Variants in CAMTA1 observed in about 807,000 individuals in gnomAD.
CAMTA1 encodes calmodulin binding transcription activator 1.
In CAMTA1, 27 loss-of-function variants were observed where a neutral mutation model predicts 170.9. The ratio of observed to expected loss-of-function variants is 0.16; its 90% CI spans 0.12 to 0.22. The LOEUF (loss-of-function observed/expected upper bound fraction) is 0.22. CAMTA1 is among the 10% of genes least tolerant of loss of function. The probability of loss-of-function intolerance (pLI) is 1.00; values close to 1 mark genes in which losing one functional copy is unlikely to be tolerated. For missense variants in CAMTA1, 1,619 were observed against 2,217.2 expected (o/e 0.73, Z 5.42); for synonymous variants, 833 against 891.5 (o/e 0.93, Z 1.17).
rs767756604 is a variant in CAMTA1, at chr1:7,561,833, G to A, written c.511-78567G>A. On this transcript the variant is annotated intron_variant, in intron 6 of 22. Transcript: ENST00000303635. This position sits in a 1 kb window ranked among gnomAD's most constrained non-coding sequence, Gnocchi z 5.3. ...AAATGACTCGGGGATGGATGAGAAC[G>A]AACCCTCATCCCTGCCTGCACGCCG... Among the ~76,000 whole-genome samples the A allele has an allele frequency of 8.5e-5, 13 of 152,060 alleles. No individual in the cohort carries two copies. The highest frequency in any genetic ancestry group is 1.8e-4 in the Non-Finnish European group (12 of 68,014).
intron 4 of CAMTA1, among the ~76,000 whole-genome samples, chr1:7,152,115 G>A (rs1385019425): frequency 2.0e-5 from 3 of 152,200 alleles, no homozygotes; most frequent in Non-Finnish European, 4.4e-5. Context: ...TCTGTCTGAA[G>A]TGAAAAAATT....
intron 3 of CAMTA1, among the ~76,000 whole-genome samples, chr1:6,858,096 T>C (rs1663120880): frequency 6.6e-6 from 1 of 152,248 alleles, no homozygotes; most frequent in African/African-American, 2.4e-5. Context: ...AGTGGGATAC[T>C]GAAGAAAGAA....
At chr1:7,578,490 G>A (rs2095224304) in intron 6 of CAMTA1, among the ~76,000 whole-genome samples, 1 of 152,222 alleles carries the variant, frequency 6.6e-6, no homozygotes, top group Non-Finnish European at 1.5e-5. Flanking sequence ...ACTGGGGAAG[G>A]GCTGGCTCAC....
At chr1:7,466,986 C>T (rs1345580091) in intron 5 of CAMTA1, among the ~76,000 whole-genome samples, 2 of 151,984 alleles carry the variant, frequency 1.3e-5, no homozygotes, top group African/African-American at 4.8e-5. Flanking sequence ...GCAAGCCTGG[C>T]CCACGGTGCC....
At chr1:7,766,042 A>ACT (rs113171556) in intron 22 of CAMTA1, among the ~76,000 whole-genome samples, 100 of 73,432 alleles carry the variant, frequency 1.4e-3, no homozygotes, top group Middle Eastern at 4.9e-3. Flanking sequence ...AAAAAAAAAA[A>ACT]AAACTAAATA....
chr1:7,160,879 T>G (rs1647174086), intron 4 of CAMTA1, among the ~76,000 whole-genome samples: 2 of 152,166 alleles, frequency 1.3e-5, no homozygotes, highest in Admixed American at 6.5e-5. Flanking sequence ...TGAGTTCTCC[T>G]CCCTGCTCCA....
At chr1:7,038,925 A>G (rs1704030155) in intron 3 of CAMTA1, among the ~76,000 whole-genome samples, 1 of 152,130 alleles carries the variant, frequency 6.6e-6, no homozygotes. Flanking sequence ...CTGTAATCCC[A>G]GCTACTCAGG....
chr1:7,437,494 G>GT (rs1218611669), intron 5 of CAMTA1, among the ~76,000 whole-genome samples: 5 of 152,180 alleles, frequency 3.3e-5, no homozygotes, highest in Non-Finnish European at 7.3e-5. Context: ...TCCCTGCCGT[G>GT]TAAGGACACC....
At chr1:7,419,679 C>T (rs1251003255) in intron 5 of CAMTA1, among the ~76,000 whole-genome samples, 3 of 152,198 alleles carry the variant, frequency 2.0e-5, no homozygotes, top group Non-Finnish European at 4.4e-5. Context: ...CTGACCTGGA[C>T]GTTTGCATTT....
intron 3 of CAMTA1, among the ~76,000 whole-genome samples, chr1:6,986,488 C>T (rs563479471): frequency 1.1e-4 from 16 of 152,154 alleles, no homozygotes; most frequent in East Asian, 3.9e-4. Context: ...AGAGGATGAA[C>T]GATTTACAAA....
chr1:7,469,219 G>A (rs1314965247), intron 6 of CAMTA1, among the ~76,000 whole-genome samples: 4 of 152,136 alleles, frequency 2.6e-5, no homozygotes, highest in African/African-American at 7.2e-5. Context: ...AGGCTGACGT[G>A]CTAGCACCTG....
chr1:6,992,071 GATTT>G (rs138990025), intron 3 of CAMTA1, among the ~76,000 whole-genome samples: 9,190 of 151,418 alleles, frequency 0.061, 310 homozygotes, highest in Middle Eastern at 0.14. Flanking sequence ...TATTTTTTAT[GATTT>G]ATTTATTTAT....
intron 3 of CAMTA1, among the ~76,000 whole-genome samples, chr1:7,031,633 G>C (rs761854897): frequency 6.6e-6 from 1 of 152,070 alleles, no homozygotes; most frequent in Non-Finnish European, 1.5e-5. Flanking sequence ...TCCGCCTCCC[G>C]GGTTCAAGTG....
intron 6 of CAMTA1, among the ~76,000 whole-genome samples, chr1:7,531,345 G>A (rs2094490755): frequency 6.6e-6 from 1 of 152,140 alleles, no homozygotes; most frequent in South Asian, 2.1e-4. Flanking sequence ...CTGTAAAATG[G>A]GCTGAGTCAT....
chr1:7,705,083 C>T (rs1577047672), intron 11 of CAMTA1, among the ~76,000 whole-genome samples: 1 of 149,566 alleles, frequency 6.7e-6, no homozygotes, highest in Admixed American at 6.6e-5. Context: ...AGGGCGTGCG[C>T]GGACCGGGCG....
chr1:6,964,912 G>A (rs1269665538), intron 3 of CAMTA1, among the ~76,000 whole-genome samples: 2 of 152,206 alleles, frequency 1.3e-5, no homozygotes, highest in African/African-American at 2.4e-5. Flanking sequence ...TGTCTTTTTT[G>A]AGAGCTGGGA....
intron 3 of CAMTA1, among the ~76,000 whole-genome samples, chr1:6,844,968 GC>G (rs1337870479): frequency 6.6e-6 from 1 of 152,102 alleles, no homozygotes. Flanking sequence ...ATTTTTTATA[GC>G]AATAAGATAT....
intron 3 of CAMTA1, among the ~76,000 whole-genome samples, chr1:6,952,689 C>T (rs1388328495): frequency 1.3e-5 from 2 of 151,908 alleles, no homozygotes; most frequent in African/African-American, 4.8e-5. Context: ...CAAAAATTAG[C>T]CAGGTGTGGT....
intron 6 of CAMTA1, among the ~76,000 whole-genome samples, chr1:7,559,644 T>A (rs1318959360): frequency 6.6e-6 from 1 of 152,036 alleles, no homozygotes; most frequent in East Asian, 1.9e-4. Flanking sequence ...TCCTGAGACA[T>A]CAGGCAGGCT....
Sources: gnomAD v4.1 joint callset for allele counts (sites outside exome capture counted in the v4.1 genomes callset) on GRCh38, gnomAD v4.1.1 for gene constraint, Gnocchi (gnomAD v3.1) non-coding constraint, MANE v1.5 for transcripts, NCBI Gene and HGNC (gene_info 2026-07-23, HGNC 2026-07-21) for gene names.